Variants in SUPT3H observed in about 807,000 individuals in gnomAD.
The protein encoded by SUPT3H is SPT3 homolog, SAGA and STAGA complex component.
In SUPT3H, 44 loss-of-function variants were observed where a neutral mutation model predicts 44.3. The ratio of observed to expected loss-of-function variants is 0.99; its 90% confidence interval spans 0.78 to 1.28. The LOEUF (loss-of-function observed/expected upper bound fraction) is 1.28, where lower values mean the gene tolerates loss of function less well. Ranked by LOEUF, SUPT3H falls within the 50% of genes most tolerant of loss-of-function variation. The pLI is 0.00. For synonymous variants in SUPT3H, 124 were observed against 125.6 expected, an observed-to-expected ratio of 0.99 and a Z score of 0.09; for missense variants, 380 against 387.1, an observed-to-expected ratio of 0.98 and a Z score of 0.15.
intron 2 of SUPT3H, among the ~76,000 whole-genome samples, chr6:45,319,853 A>G (rs1785215500): frequency 6.6e-6 from 1 of 152,202 alleles, no homozygotes; most frequent in Non-Finnish European, 1.5e-5. Flanking sequence ...ATGCTTAGGC[A>G]TTAAACGTAG....
intron 2 of SUPT3H, among the ~76,000 whole-genome samples, chr6:45,196,865 T>G (rs534217458): frequency 6.6e-6 from 1 of 151,866 alleles, no homozygotes; most frequent in African/African-American, 2.4e-5. Flanking sequence ...TGGAGAAGAT[T>G]GACTTACAGT....
chr6:45,191,902 A>C (rs1317270429), intron 2 of SUPT3H, among the ~76,000 whole-genome samples: 1 of 152,100 alleles, frequency 6.6e-6, no homozygotes. Context: ...GAGACTAAAA[A>C]ATATTAATAT....
At chr6:45,074,123 C>A (rs992816003) in intron 3 of SUPT3H, among the ~76,000 whole-genome samples, 1 of 151,796 alleles carries the variant, frequency 6.6e-6, no homozygotes, top group Non-Finnish European at 1.5e-5. Context: ...AAAAATGTTG[C>A]TGAAACACAG....
At chr6:45,361,942 T>C (rs1160159395) in intron 2 of SUPT3H, among the ~76,000 whole-genome samples, 2 of 152,142 alleles carry the variant, frequency 1.3e-5, no homozygotes, top group Non-Finnish European at 2.9e-5. Flanking sequence ...TCCCAGCTAC[T>C]TGGGAGGCTG....
chr6:45,313,496 G>A (rs1158572370), intron 2 of SUPT3H, among the ~76,000 whole-genome samples: 2 of 151,864 alleles, frequency 1.3e-5, no homozygotes, highest in Non-Finnish European at 2.9e-5. Context: ...AAGATCATTC[G>A]AGACTACTAT....
intron 3 of SUPT3H, among the ~76,000 whole-genome samples, chr6:45,057,175 T>A (rs1008554251): frequency 2.6e-5 from 4 of 152,156 alleles, no homozygotes; most frequent in African/African-American, 9.6e-5. Flanking sequence ...ATTTAAATTG[T>A]TTAAATGATT....
intron 2 of SUPT3H, among the ~76,000 whole-genome samples, chr6:45,235,300 T>C (rs901996865): frequency 1.3e-5 from 2 of 152,174 alleles, no homozygotes; most frequent in Admixed American, 6.5e-5. Flanking sequence ...TTTAAATTAC[T>C]GATAAGGACA....
At chr6:45,353,798 AT>A (rs1792571211) in intron 2 of SUPT3H, among the ~76,000 whole-genome samples, 1 of 151,952 alleles carries the variant, frequency 6.6e-6, no homozygotes, top group Non-Finnish European at 1.5e-5. Flanking sequence ...TTTAATCACT[AT>A]ATACAAACCT....
intron 2 of SUPT3H, among the ~76,000 whole-genome samples, chr6:45,347,528 A>G (rs1345690285): frequency 6.6e-6 from 1 of 152,154 alleles, no homozygotes; most frequent in Non-Finnish European, 1.5e-5. Flanking sequence ...GACCTTTAAT[A>G]TATTTTTTAA....
chr6:45,186,018 TAAACTC>T (rs1324312337), intron 2 of SUPT3H, among the ~76,000 whole-genome samples: 7 of 152,126 alleles, frequency 4.6e-5, no homozygotes, highest in Admixed American at 2.0e-4. Flanking sequence ...GGACCAATGT[TAAACTC>T]AAACCAGAGG....
At chr6:44,994,249 A>C (rs1293517247) in intron 6 of SUPT3H, among the ~76,000 whole-genome samples, 3 of 152,112 alleles carry the variant, frequency 2.0e-5, no homozygotes, top group Non-Finnish European at 4.4e-5. Context: ...TGACTTAAAA[A>C]ATCTCAATAA....
intron 2 of SUPT3H, among the ~76,000 whole-genome samples, chr6:45,205,800 A>C (rs186495445): frequency 6.7e-4 from 94 of 140,454 alleles, no homozygotes; most frequent in African/African-American, 1.6e-3. Context: ...CTGTCTCAAA[A>C]AAAACAAAAC....
chr6:45,262,794 T>C (rs1248620661), intron 2 of SUPT3H, among the ~76,000 whole-genome samples: 3 of 151,382 alleles, frequency 2.0e-5, no homozygotes, highest in Non-Finnish European at 4.4e-5. Context: ...GAACTTAATA[T>C]GTGAAATACA....
chr6:45,065,173 A>G (rs1793028061), intron 3 of SUPT3H, among the ~76,000 whole-genome samples: 2 of 151,996 alleles, frequency 1.3e-5, no homozygotes, highest in Non-Finnish European at 2.9e-5. Flanking sequence ...AAGCCGCTCA[A>G]CTATATGGAA....
At chr6:45,054,212 AG>A (rs1790768911) in intron 3 of SUPT3H, among the ~76,000 whole-genome samples, 1 of 151,996 alleles carries the variant, frequency 6.6e-6, no homozygotes. Flanking sequence ...TGTAGTAGGA[AG>A]GTCTCTCTTA....
At chr6:45,065,562 G>A (rs1217105893) in intron 3 of SUPT3H, among the ~76,000 whole-genome samples, 2 of 151,418 alleles carry the variant, frequency 1.3e-5, no homozygotes, top group Non-Finnish European at 1.5e-5. Context: ...TAGACCACTA[G>A]CAAGACTAAT....
At chr6:44,918,730 C>A (rs1463530122) in intron 10 of SUPT3H, among the ~76,000 whole-genome samples, 1 of 152,166 alleles carries the variant, frequency 6.6e-6, no homozygotes, top group Non-Finnish European at 1.5e-5. Flanking sequence ...CATGTGCATA[C>A]TGGCACAAAT....
intron 2 of SUPT3H, among the ~76,000 whole-genome samples, chr6:45,150,724 T>TTG (rs1554263938): frequency 7.2e-6 from 1 of 138,106 alleles, no homozygotes; most frequent in Admixed American, 7.2e-5. Flanking sequence ...TTCTGCGTTT[T>TTG]TTTTTTTTTT....
chr6:44,856,167 C>T (rs1024288764), intron 10 of SUPT3H, among the ~76,000 whole-genome samples: 1 of 152,106 alleles, frequency 6.6e-6, no homozygotes, highest in African/African-American at 2.4e-5. Context: ...CCTTTGCTTC[C>T]CTTGCCAAAG....
Sources: gnomAD v4.1 joint callset for allele counts (sites outside exome capture counted in the v4.1 genomes callset) on GRCh38, gnomAD v4.1.1 for gene constraint, MANE v1.5 for transcripts, NCBI Gene and HGNC (gene_info 2026-07-23, HGNC 2026-07-21) for gene names.